Variants in ZDHHC14 observed in about 807,000 individuals in gnomAD.
ZDHHC14 encodes palmitoyltransferase ZDHHC14.
ZDHHC14 carries 16 observed loss-of-function variants against 47.7 expected under a neutral mutation model. The ratio of observed to expected loss-of-function variants is 0.34; its 90% confidence interval spans 0.23 to 0.51. The LOEUF is 0.51. Ranked by LOEUF, ZDHHC14 falls within the 20% of genes least tolerant of loss-of-function variation. ZDHHC14 has a pLI of 0.97. For missense variants in ZDHHC14, 515 were observed against 662.5 expected (o/e 0.78, Z 2.44); for synonymous variants, 293 against 278.9 (o/e 1.05, Z -0.50).
chr6:157,648,747 G>A (rs935883433), intron 7 of ZDHHC14, among the ~76,000 whole-genome samples: 1 of 152,322 alleles, frequency 6.6e-6, no homozygotes. Flanking sequence ...CTCACCTAGG[G>A]ATCCTTCTGG....
intron 1 of ZDHHC14, among the ~76,000 whole-genome samples, chr6:157,435,478 G>A (rs566221217): frequency 1.3e-5 from 2 of 152,280 alleles, no homozygotes; most frequent in East Asian, 3.9e-4. Flanking sequence ...ATGGCAGTTT[G>A]TGGCATTAGC....
Position 157,484,591 on chromosome 6 carries a change from A to G in ZDHHC14, c.246-57994A>G, listed in dbSNP as rs543545664. The stretch of plus-strand genomic sequence containing the variant: ...TTTTTATTAGAAAATTTTCTAGGGG[A>G]AAAAAAACCAGTTTTTCCTCTAATA... On this transcript the variant is annotated intron_variant, in intron 1 of 8. Transcript: ENST00000359775. Among the ~76,000 whole-genome samples, 424 of 151,250 alleles carry G rather than the reference A, an allele frequency of 2.8e-3. 4 individuals are homozygous for G. Among genetic ancestry groups the G allele is most frequent in the African/African-American group, 1.0e-2 (413 of 41,362 alleles).
intron 3 of ZDHHC14, among the ~76,000 whole-genome samples, chr6:157,612,800 C>G (rs182539420): frequency 6.6e-6 from 1 of 151,192 alleles, no homozygotes; most frequent in Admixed American, 6.6e-5. Flanking sequence ...GCTCCTCTTG[C>G]TGTATCTACC....
intron 1 of ZDHHC14, among the ~76,000 whole-genome samples, chr6:157,487,097 C>A (rs1169797957): frequency 1.3e-5 from 2 of 152,204 alleles, no homozygotes; most frequent in Non-Finnish European, 2.9e-5. Flanking sequence ...TGACACCAAA[C>A]CTTAAGCTCT....
intron 5 of ZDHHC14, among the ~76,000 whole-genome samples, chr6:157,642,218 C>T (rs912579863): frequency 6.6e-6 from 1 of 152,226 alleles, no homozygotes; most frequent in African/African-American, 2.4e-5. Flanking sequence ...GTCCCATGAT[C>T]TCTCACCTTT....
chr6:157,514,531 G>T (rs1437562557), intron 1 of ZDHHC14, among the ~76,000 whole-genome samples: 1 of 152,260 alleles, frequency 6.6e-6, no homozygotes, highest in Non-Finnish European at 1.5e-5. Context: ...CAAGAAGTTG[G>T]ATTGGAAGAA....
intron 1 of ZDHHC14, among the ~76,000 whole-genome samples, chr6:157,538,011 T>C (rs545028136): frequency 6.6e-6 from 1 of 152,314 alleles, no homozygotes; most frequent in East Asian, 1.9e-4. Flanking sequence ...CTAAGCAGCA[T>C]TTTGAAGGTG....
intron 2 of ZDHHC14, among the ~76,000 whole-genome samples, chr6:157,544,714 G>A (rs1781905844): frequency 6.6e-6 from 1 of 152,086 alleles, no homozygotes; most frequent in Admixed American, 6.5e-5. Context: ...ACACCCTCTA[G>A]GATGGCACTA....
intron 2 of ZDHHC14, among the ~76,000 whole-genome samples, chr6:157,563,630 AG>A (rs1470270193): frequency 6.6e-6 from 1 of 152,152 alleles, no homozygotes; most frequent in East Asian, 1.9e-4. Flanking sequence ...GATGTAAAAA[AG>A]ATTGGAGTGT....
chr6:157,415,270 C>G (rs1347588807), intron 1 of ZDHHC14, among the ~76,000 whole-genome samples: 3 of 152,100 alleles, frequency 2.0e-5, no homozygotes, highest in African/African-American at 7.2e-5. Context: ...ATTGTCATAA[C>G]AAGCTACTGA....
intron 5 of ZDHHC14, among the ~76,000 whole-genome samples, chr6:157,643,445 C>T (rs948337330): frequency 2.0e-5 from 3 of 151,542 alleles, no homozygotes; most frequent in Admixed American, 1.3e-4. Context: ...GTCAGGAGTC[C>T]GAGACCAGCC....
At chr6:157,469,977 G>A (rs995781696) in intron 1 of ZDHHC14, among the ~76,000 whole-genome samples, 7 of 152,218 alleles carry the variant, frequency 4.6e-5, no homozygotes, top group African/African-American at 1.4e-4. Flanking sequence ...CACTGGCTGC[G>A]GATGTGTGGG....
chr6:157,531,579 G>A (rs992302607), intron 1 of ZDHHC14, among the ~76,000 whole-genome samples: 3 of 152,048 alleles, frequency 2.0e-5, no homozygotes, highest in South Asian at 4.1e-4. Flanking sequence ...TTTGTAGTGT[G>A]CTGATTTGCC....
intron 3 of ZDHHC14, among the ~76,000 whole-genome samples, chr6:157,606,119 C>G (rs1461164198): frequency 1.3e-5 from 2 of 152,178 alleles, no homozygotes; most frequent in Non-Finnish European, 2.9e-5. Flanking sequence ...ACACAGGTCT[C>G]TATGCCTCAG....
At chr6:157,450,998 TTGTGTGTGTGTG>T (rs34066002) in intron 1 of ZDHHC14, among the ~76,000 whole-genome samples, 5 of 147,528 alleles carry the variant, frequency 3.4e-5, no homozygotes, top group African/African-American at 5.0e-5. Context: ...AAGTCTGGTC[TTGTGTGTGTGTG>T]TGTGTGTGTG....
chr6:157,515,457 C>CTTTTTTTTTTTTTT (rs1187323622), intron 1 of ZDHHC14, among the ~76,000 whole-genome samples: 4 of 129,450 alleles, frequency 3.1e-5, no homozygotes, highest in Admixed American at 7.6e-5. Context: ...TTTTCTTTTT[C>CTTTTTTTTTTTTTT]TTTTTTTTTT....
intron 1 of ZDHHC14, among the ~76,000 whole-genome samples, chr6:157,451,647 G>A (rs569046501): frequency 3.9e-5 from 6 of 152,288 alleles, no homozygotes; most frequent in African/African-American, 9.6e-5. Context: ...TGCAATCTCC[G>A]CCTCCTGGGT....
intron 1 of ZDHHC14, among the ~76,000 whole-genome samples, chr6:157,402,042 T>C (rs1777650851): frequency 6.9e-6 from 1 of 145,488 alleles, no homozygotes; most frequent in Non-Finnish European, 1.5e-5. Flanking sequence ...GATGTGCACC[T>C]GCTGAAGTCA....
intron 5 of ZDHHC14, among the ~76,000 whole-genome samples, chr6:157,638,192 C>T (rs1008322676): frequency 1.1e-4 from 17 of 152,268 alleles, no homozygotes; most frequent in African/African-American, 4.1e-4. Flanking sequence ...CAGTCTGCAC[C>T]ATCAGCCCTC....
Sources: gnomAD v4.1 joint callset for allele counts (sites outside exome capture counted in the v4.1 genomes callset) on GRCh38, gnomAD v4.1.1 for gene constraint, MANE v1.5 for transcripts, NCBI Gene and HGNC (gene_info 2026-07-23, HGNC 2026-07-21) for gene names.